YWHAQ: variants seen among roughly 807,000 people sequenced by gnomAD.
The protein encoded by YWHAQ is tyrosine 3-monooxygenase/tryptophan 5-monooxygenase activation protein theta.
In YWHAQ, 6 loss-of-function variants were observed where a neutral mutation model predicts 28.3. The observed-to-expected ratio is 0.21, with a 90% CI of 0.12 to 0.42. YWHAQ has a LOEUF of 0.42. Among genes scored for constraint, YWHAQ ranks in the 10% least tolerant of loss-of-function variants. YWHAQ has a pLI of 1.00. For synonymous variants in YWHAQ, 143 were observed against 119.1 expected (o/e 1.20, Z -1.31); for missense variants, 201 against 305.6 (o/e 0.66, Z 2.55).
Position 9,630,347 on chromosome 2 carries a change from G to C in YWHAQ, c.106C>G (p.Leu36Val). Residue 36 changes from leucine (L) to valine (V), a missense_variant, in exon 2 of 6, where the codon CTG (leucine) becomes GTG (valine). Leu to Val is a conservative substitution (Grantham distance 32). Transcript: ENST00000238081. This position sits in a 1 kb window ranked among gnomAD's most constrained non-coding sequence, Gnocchi z 5.6. ...AGCAGGTTGCGCTCCTCGTTGGACA[G>C]CTCGGCGCCCTGCTCGGTCACTGCC... Reference protein sequence around the residue: ...MKAVTEQGAELSNEERNLLSV... With the variant: ...MKAVTEQGAEVSNEERNLLSV... The C allele has an allele frequency of 6.2e-7, 1 of 1,614,146 alleles. No homozygotes were observed. The highest frequency in any genetic ancestry group is 8.5e-7 in the Non-Finnish European group (1 of 1,180,038).
At chr2:9,625,789 C>T (rs1298118671) in intron 2 of YWHAQ, among the ~76,000 whole-genome samples, 4 of 152,114 alleles carry the variant, frequency 2.6e-5, no homozygotes, top group Non-Finnish European at 4.4e-5. Context: ...CCCATAAAGG[C>T]AGGCACCATC....
intron 2 of YWHAQ, among the ~76,000 whole-genome samples, chr2:9,593,898 T>TAAAAAAAAA (rs151047530): frequency 2.4e-4 from 29 of 121,496 alleles, no homozygotes; most frequent in African/African-American, 7.2e-4. Flanking sequence ...TTAAATAGAT[T>TAAAAAAAAA]AAAAAAAATA....
Position 9,630,079 on chromosome 2 carries a change from G to A in YWHAQ, c.294+80C>T. ...GACAGTCCGGCAAGCCCCGGCTCAC[G>A]TTTGTTTCCGTGCCCGCGAAACTCT... On this transcript the variant is annotated intron_variant, in intron 2 of 5. Coordinates refer to ENST00000238081, the MANE Select transcript of YWHAQ (RefSeq NM_006826.4). This position sits in a 1 kb window ranked among gnomAD's most constrained non-coding sequence, Gnocchi z 5.6. 1 of 1,541,698 alleles carries A rather than the reference G, an allele frequency of 6.5e-7. No individual in the cohort carries two copies. Among genetic ancestry groups the A allele is most frequent in the Non-Finnish European group, 8.8e-7 (1 of 1,138,804 alleles).
intron 5 of YWHAQ, among the ~76,000 whole-genome samples, chr2:9,585,686 T>C (rs1484733719): frequency 2.0e-5 from 3 of 152,046 alleles, no homozygotes; most frequent in Non-Finnish European, 2.9e-5. Flanking sequence ...GATGAGAAGA[T>C]CGCATGAGGC....
intron 2 of YWHAQ, among the ~76,000 whole-genome samples, chr2:9,599,661 G>T (rs1262837354): frequency 6.6e-6 from 1 of 152,118 alleles, no homozygotes; most frequent in African/African-American, 2.4e-5. Context: ...GTCCATTGTT[G>T]AGACCTACTG....
At chr2:9,612,107 T>C (rs1046020499) in intron 2 of YWHAQ, among the ~76,000 whole-genome samples, 1 of 152,254 alleles carries the variant, frequency 6.6e-6, no homozygotes, top group African/African-American at 2.4e-5. Context: ...AAAGTCCTAC[T>C]GATTTCACCT....
intron 2 of YWHAQ, among the ~76,000 whole-genome samples, chr2:9,611,253 T>C (rs1666941722): frequency 2.0e-5 from 3 of 152,298 alleles, no homozygotes; most frequent in South Asian, 4.1e-4. Flanking sequence ...ATCCAACTCT[T>C]CTCTGTCATA....
intron 2 of YWHAQ, among the ~76,000 whole-genome samples, chr2:9,629,693 T>C (rs1667319813): frequency 6.6e-6 from 1 of 152,184 alleles, no homozygotes; most frequent in Non-Finnish European, 1.5e-5. Flanking sequence ...AAATAAAGTA[T>C]CTGTTCAGAT....
intron 2 of YWHAQ, among the ~76,000 whole-genome samples, chr2:9,613,869 A>G (rs765785574): frequency 6.6e-6 from 1 of 152,228 alleles, no homozygotes; most frequent in Non-Finnish European, 1.5e-5. Flanking sequence ...CAACTCAGGT[A>G]CTGAGGTGCT....
intron 2 of YWHAQ, among the ~76,000 whole-genome samples, chr2:9,609,339 AAATT>A (rs780548641): frequency 1.3e-5 from 2 of 152,214 alleles, no homozygotes; most frequent in African/African-American, 2.4e-5. Flanking sequence ...TGGACAAAGA[AAATT>A]AATACAACAA....
chr2:9,607,206 T>C lies in YWHAQ; in HGVS notation c.295-15691A>G, dbSNP rs11678569. Reference sequence around the variant, plus strand: ...AATATTTTTCTATTACTTTTTTTTTTCTTTTTTTTTTTGAGACAGGGTTTT... The same window carrying C: ...AATATTTTTCTATTACTTTTTTTTTCCTTTTTTTTTTTGAGACAGGGTTTT... On this transcript the variant is annotated intron_variant, in intron 2 of 5. Coordinates refer to ENST00000238081, the MANE Select transcript of YWHAQ (RefSeq NM_006826.4). 1.3e-3 allele frequency among the ~76,000 whole-genome samples: 170 copies of C among 134,596 alleles called. 1 individual carries two copies. The highest frequency in any genetic ancestry group is 2.2e-3 in the Admixed American group (30 of 13,826). The allele number at this position is 134,596 out of a possible 152,430, so 88.3% of individuals were successfully genotyped here. A position where few individuals can be genotyped will look rare whatever the true frequency, so the allele number is the denominator to read the frequency against.
intron 2 of YWHAQ, among the ~76,000 whole-genome samples, chr2:9,612,775 C>T (rs1666974483): frequency 6.6e-6 from 1 of 152,178 alleles, no homozygotes; most frequent in Admixed American, 6.5e-5. Flanking sequence ...GATAAAGCCA[C>T]CCGAGCCCAT....
chr2:9,605,137 TCTC>T (rs1282453717), intron 2 of YWHAQ, among the ~76,000 whole-genome samples: 11 of 103,228 alleles, frequency 1.1e-4, no homozygotes, highest in Non-Finnish European at 1.3e-4. Context: ...CATTCTGTTC[TCTC>T]TTTTTTTTTT....
intron 2 of YWHAQ, among the ~76,000 whole-genome samples, chr2:9,623,256 G>A (rs955592283): frequency 3.9e-5 from 6 of 152,224 alleles, no homozygotes; most frequent in Non-Finnish European, 4.4e-5. Flanking sequence ...ACTTGCTTGT[G>A]CTGGAAAGGG....
chr2:9,619,014 A>G (rs903665040), intron 2 of YWHAQ, among the ~76,000 whole-genome samples: 1 of 152,226 alleles, frequency 6.6e-6, no homozygotes, highest in Non-Finnish European at 1.5e-5. Flanking sequence ...TCCTTCTGAA[A>G]AAATAATATT....
chr2:9,593,100 T>G lies in YWHAQ; in HGVS notation c.295-1585A>C, dbSNP rs964490723. Among the ~76,000 whole-genome samples, 15 of 152,356 alleles carry G rather than the reference T, an allele frequency of 9.8e-5. No homozygotes were observed. The South Asian group carries it at 3.1e-3, about 32-fold the overall frequency. On this transcript the variant is annotated intron_variant, in intron 2 of 5. Transcript: ENST00000238081. ...AGTCTGGAGAATTAACAAGTAAGGTTGAGTCAAATTCACATAACTGCTAAA... is the reference window on the plus strand; with the variant it reads ...AGTCTGGAGAATTAACAAGTAAGGTGGAGTCAAATTCACATAACTGCTAAA...
rs555932570 is a variant in YWHAQ at position 9,588,042 on chromosome 2, G to A, written c.582+123C>T. ...AATCATGATGGGAAGAAAAAGAGGA[G>A]ATTTCAAAATAAATATAGTAGAAAT... On this transcript the variant is annotated intron_variant, in intron 4 of 5. Transcript: ENST00000238081. 7 of 1,208,690 alleles carry A rather than the reference G, an allele frequency of 5.8e-6. No individual in the cohort carries two copies. The African/African-American group carries it at 9.5e-5, about 16-fold the overall frequency. The allele number at this position is 1,208,690 out of a possible 1,614,324, so 74.9% of individuals were successfully genotyped here.
chr2:9,584,102 C>G lies in YWHAQ; in HGVS notation c.*1184G>C, dbSNP rs1666300923. On this transcript the variant is annotated 3_prime_UTR_variant, in exon 6 of 6. Coordinates refer to ENST00000238081, the MANE Select transcript of YWHAQ (RefSeq NM_006826.4). ...CTAAGAAATGCAGTCCAATTTTATA[C>G]ACTTCCAGGCATCCCTAGACAAGTG... is the stretch of plus-strand genomic sequence containing the variant. The G allele has an allele frequency of 6.6e-6, 1 of 152,552 alleles. No homozygotes were observed. The highest frequency in any genetic ancestry group is 2.4e-5 in the African/African-American group (1 of 41,446). The allele number at this position is 152,552 out of a possible 1,614,324, so 9.4% of individuals were successfully genotyped here. A position where few individuals can be genotyped will look rare whatever the true frequency, so the allele number is the denominator to read the frequency against.
chr2:9,624,820 C>G (rs1031746536), intron 2 of YWHAQ, among the ~76,000 whole-genome samples: 1 of 151,988 alleles, frequency 6.6e-6, no homozygotes, highest in Admixed American at 6.6e-5. Flanking sequence ...AATCTCGCCT[C>G]ACTGCAACCT....
Sources: gnomAD v4.1 joint callset for allele counts (sites outside exome capture counted in the v4.1 genomes callset) on GRCh38, gnomAD v4.1.1 for gene constraint, Gnocchi (gnomAD v3.1) non-coding constraint, MANE v1.5 for transcripts, NCBI Gene and HGNC (gene_info 2026-07-23, HGNC 2026-07-21) for gene names.